The following GREM1 variants were observed in gnomAD, a reference collection of about 807,000 sequenced individuals.
GREM1 encodes the protein gremlin-1.
GREM1 carries 6 observed loss-of-function variants against 13.1 expected under a neutral mutation model. The ratio of observed to expected loss-of-function variants is 0.46; its 90% confidence interval spans 0.25 to 0.91. The LOEUF (loss-of-function observed/expected upper bound fraction) is 0.91, where lower values mean the gene tolerates loss of function less well. Among genes scored for constraint, GREM1 ranks in the 40% least tolerant of loss-of-function variants. GREM1 has a pLI of 0.18. For synonymous variants in GREM1, 98 were observed against 93.7 expected, an observed-to-expected ratio of 1.05 and a Z score of -0.27; for missense variants, 185 against 233.9, an observed-to-expected ratio of 0.79 and a Z score of 1.36.
rs1284433721 is a variant in GREM1 at position 32,735,221 on chromosome 15, C to T, written c.*3976C>T. 2.6e-5 allele frequency: 4 copies of T among 152,120 alleles called. No individual in the cohort carries two copies. The highest frequency in any genetic ancestry group is 9.7e-5 in the African/African-American group (4 of 41,430). The allele number at this position is 152,120 out of a possible 1,614,324, so 9.4% of individuals were successfully genotyped here. A position where few individuals can be genotyped will look rare whatever the true frequency, so the allele number is the denominator to read the frequency against. ...TGTCAATTTCTGAGGTCCCTTTCTA[C>T]TTAGATATATAATACAAGATTTCTA... On this transcript the variant is annotated 3_prime_UTR_variant, in exon 2 of 2. Coordinates refer to ENST00000651154, the MANE Select transcript of GREM1 (RefSeq NM_013372.7).
In GREM1 at chr15:32,738,126, A is replaced by AAAAAAAAAAAAAAAAAAAAAAACCAAAC. The variant is rs2055728046; in HGVS notation, c.*6888_*6889insAAAAAAAAAAAAAAACCAAACAAAAAAA. The AAAAAAAAAAAAAAAAAAAAAAACCAAAC allele has an allele frequency of 1.9e-5, 2 of 107,172 alleles. 1 individual carries two copies. Among genetic ancestry groups the AAAAAAAAAAAAAAAAAAAAAAACCAAAC allele is most frequent in the East Asian group, 6.6e-4 (2 of 3,024 alleles). 6.6% of individuals were successfully genotyped at this position (107,172 alleles called of 1,614,324 possible). ...AAAAAAAAAAAAAAAAAAAAAAAAAAAAAAAAAGAAAAGAAAAAAGTCATC... is the reference window on the plus strand; with the variant it reads ...AAAAAAAAAAAAAAAAAAAAAAAAAAAAAAAAAAAAAAAAAAAAAAAACCAAACAAAAAAAGAAAAGAAAAAAGTCATC... On this transcript the variant is annotated 3_prime_UTR_variant, in exon 2 of 2. Coordinates refer to ENST00000651154, the MANE Select transcript of GREM1 (RefSeq NM_013372.7).
rs2055747244 is a variant in GREM1 at position 32,739,988 on chromosome 15, A to G, written c.*8743A>G. ...CAGAGACAGAGGTTTAGACCAGTAG[A>G]TGACATGGCACCCTGCCCTCTACTG... is the stretch of plus-strand genomic sequence containing the variant. On this transcript the variant is annotated 3_prime_UTR_variant, in exon 2 of 2. Coordinates refer to ENST00000651154, the MANE Select transcript of GREM1 (RefSeq NM_013372.7). 2 of 152,382 alleles carry G rather than the reference A, an allele frequency of 1.3e-5. No individual in the cohort carries two copies. The highest frequency in any genetic ancestry group is 1.9e-4 in the East Asian group (1 of 5,180). 9.4% of individuals were successfully genotyped at this position (152,382 alleles called of 1,614,324 possible).
At position 32,730,765 on chromosome 15, in the gene GREM1, A is replaced by G. The variant is rs2055601637; in HGVS notation, c.75A>G (p.Lys25=). The change falls in exon 2 of 2, where the codon AAA becomes AAG. Residue 25 remains lysine, a synonymous_variant. Transcript: ENST00000651154. Reference sequence around the variant, plus strand: ...CCCTGCTGCCGGCTGCTGAAGGGAAAAAGAAAGGGTCCCAAGGTGCCATCC... The same window carrying G: ...CCCTGCTGCCGGCTGCTGAAGGGAAGAAGAAAGGGTCCCAAGGTGCCATCC... ...LGTLLPAAEG[K]KKGSQGAIPP... is the part of the protein sequence containing the mutation. The G allele has an allele frequency of 1.9e-6, 3 of 1,612,350 alleles. No individual in the cohort carries two copies. Among genetic ancestry groups the G allele is most frequent in the South Asian group, 1.1e-5 (1 of 90,816 alleles).
Position 32,725,630 on chromosome 15 carries a change from G to C in GREM1, c.-1-5060G>C, listed in dbSNP as rs138061402. ...TAGTTTCTTTTGCCATGCAGAAGCT[G>C]TTTAGTTTAATTAGATCCAATTTGT... On this transcript the variant is annotated intron_variant, in intron 1 of 1. Coordinates refer to ENST00000651154, the MANE Select transcript of GREM1 (RefSeq NM_013372.7). 0.018 allele frequency among the ~76,000 whole-genome samples: 2,672 copies of C among 152,228 alleles called. 156 individuals are homozygous for C. In the East Asian group the frequency reaches 0.21, roughly 12 times the overall value.
chr15:32,730,265 G>A (rs1363550463), intron 1 of GREM1, among the ~76,000 whole-genome samples: 1 of 152,220 alleles, frequency 6.6e-6, no homozygotes, highest in East Asian at 1.9e-4. Flanking sequence ...TAGTTGGGGA[G>A]AAAAGACTGG....
Position 32,731,344 on chromosome 15 carries a change from A to C in GREM1, c.*99A>C. 1 of 930,162 alleles carries C rather than the reference A, an allele frequency of 1.1e-6. No individual in the cohort carries two copies. The highest frequency in any genetic ancestry group is 2.6e-5 in the East Asian group (1 of 39,154). 57.6% of individuals were successfully genotyped at this position (930,162 alleles called of 1,614,324 possible). On this transcript the variant is annotated 3_prime_UTR_variant, in exon 2 of 2. Transcript: ENST00000651154. Reference sequence around the variant, plus strand: ...CTTACTTGGCTTAAACCTAGAGGCCAGAAGAACCCCCAGCTGCCTCCTGGC... The same window carrying C: ...CTTACTTGGCTTAAACCTAGAGGCCCGAAGAACCCCCAGCTGCCTCCTGGC...
intron 1 of GREM1, among the ~76,000 whole-genome samples, chr15:32,729,054 C>T (rs1264811507): frequency 4.0e-5 from 6 of 150,956 alleles, no homozygotes; most frequent in African/African-American, 7.3e-5. Context: ...GACAGAGTCT[C>T]GCTCAGTCAC....
chr15:32,729,689 C>T (rs2055579753), intron 1 of GREM1, among the ~76,000 whole-genome samples: 1 of 152,180 alleles, frequency 6.6e-6, no homozygotes, highest in Non-Finnish European at 1.5e-5. Context: ...TAATCCATTG[C>T]CACTAATTTA....
At chr15:32,726,270 TGC>T (rs2055502346) in intron 1 of GREM1, among the ~76,000 whole-genome samples, 4 of 152,060 alleles carry the variant, frequency 2.6e-5, no homozygotes, top group African/African-American at 9.7e-5. Context: ...CCTCAGCAAA[TGC>T]AAAAAACAGA....
intron 1 of GREM1, among the ~76,000 whole-genome samples, chr15:32,726,343 AC>A (rs1193585805): frequency 6.6e-6 from 1 of 152,186 alleles, no homozygotes; most frequent in Admixed American, 6.5e-5. Flanking sequence ...TAAGAAACTT[AC>A]TGAAAACCAC....
Position 32,731,431 on chromosome 15 carries a change from A to G in GREM1, c.*186A>G, listed in dbSNP as rs2055616377. On this transcript the variant is annotated 3_prime_UTR_variant, in exon 2 of 2. Transcript: ENST00000651154. ...TGGATGGGTGCCTGTGGGTGTTTTT[A>G]GACACCAGAGAAAACACAGTCTCTG... 4.9e-6 allele frequency: 3 copies of G among 614,464 alleles called. No individual in the cohort carries two copies. Among genetic ancestry groups the G allele is most frequent in the East Asian group, 5.5e-5 (2 of 36,264 alleles). The allele number at this position is 614,464 out of a possible 1,614,324, so 38.1% of individuals were successfully genotyped here. A position where few individuals can be genotyped will look rare whatever the true frequency, so the allele number is the denominator to read the frequency against.
rs1417914483 is a variant in GREM1, at chr15:32,744,152, C to T, written c.*12907C>T. 6.6e-6 allele frequency: 1 copy of T among 152,012 alleles called. No homozygotes were observed. The highest frequency in any genetic ancestry group is 1.5e-5 in the Non-Finnish European group (1 of 67,998). The allele number at this position is 152,012 out of a possible 1,614,324, so 9.4% of individuals were successfully genotyped here. The stretch of plus-strand genomic sequence containing the variant: ...TGGAGAAGCACCCAAAAATCTGTGG[C>T]CTTTTTTTTTAATTACACTCTCAGT... On this transcript the variant is annotated 3_prime_UTR_variant, in exon 2 of 2. Transcript: ENST00000651154.
chr15:32,718,103 G>A lies in GREM1; in HGVS notation c.-60G>A. ...GCCGAGCCCCGGCGGCTCTGGCCGC[G>A]GCCGCACTCAGCGCCACGCGTCGAA... is the stretch of plus-strand genomic sequence containing the variant. On this transcript the variant is annotated 5_prime_UTR_variant, in exon 1 of 2. Transcript: ENST00000651154. The A allele has an allele frequency of 7.9e-7, 1 of 1,258,660 alleles. No individual in the cohort carries two copies. Among genetic ancestry groups the A allele is most frequent in the Non-Finnish European group, 1.0e-6 (1 of 983,400 alleles). The allele number at this position is 1,258,660 out of a possible 1,614,324, so 78.0% of individuals were successfully genotyped here.
intron 1 of GREM1, among the ~76,000 whole-genome samples, chr15:32,728,019 A>G (rs1396696999): frequency 6.6e-6 from 1 of 152,230 alleles, no homozygotes; most frequent in East Asian, 1.9e-4. Context: ...TTCCATGCTC[A>G]TGGATAGGAA....
In GREM1 at chr15:32,732,662, T is replaced by G; in HGVS notation, c.*1417T>G. The G allele has an allele frequency of 4.1e-6, 1 of 242,350 alleles. No homozygotes were observed. The highest frequency in any genetic ancestry group is 8.7e-6 in the Non-Finnish European group (1 of 114,494). The allele number at this position is 242,350 out of a possible 1,614,324, so 15.0% of individuals were successfully genotyped here. A position where few individuals can be genotyped will look rare whatever the true frequency, so the allele number is the denominator to read the frequency against. ...AGCATCATGATGTATTAGCTGTTCA[T>G]CTGCTACTGGTTGGATGGACATAAC... On this transcript the variant is annotated 3_prime_UTR_variant, in exon 2 of 2. Coordinates refer to ENST00000651154, the MANE Select transcript of GREM1 (RefSeq NM_013372.7).
chr15:32,727,393 C>G (rs1014345487), intron 1 of GREM1, among the ~76,000 whole-genome samples: 2 of 152,204 alleles, frequency 1.3e-5, no homozygotes, highest in African/African-American at 4.8e-5. Flanking sequence ...ATGACAAAAA[C>G]CACATGATTA....
chr15:32,730,659 G>T, intron 1 of GREM1, 31 bp from the exon 2 acceptor site: 1 of 1,461,582 alleles, frequency 6.8e-7, no homozygotes, highest in Non-Finnish European at 9.2e-7. Context: ...CATGTTTTGT[G>T]TCTTCCCCTC....
intron 1 of GREM1, 88 bp downstream of exon 1, chr15:32,718,249 G>A: frequency 9.4e-7 from 1 of 1,059,658 alleles, no homozygotes; most frequent in Non-Finnish European, 1.3e-6. Flanking sequence ...TTCCACGCGC[G>A]GCAGCCCTCC....
chr15:32,742,422 C>T lies in GREM1; in HGVS notation c.*11177C>T, dbSNP rs1309985729. 4 of 152,022 alleles carry T rather than the reference C, an allele frequency of 2.6e-5. No individual in the cohort carries two copies. The highest frequency in any genetic ancestry group is 4.8e-5 in the African/African-American group (2 of 41,414). 9.4% of individuals were successfully genotyped at this position (152,022 alleles called of 1,614,324 possible). A position where few individuals can be genotyped will look rare whatever the true frequency, so the allele number is the denominator to read the frequency against. On this transcript the variant is annotated 3_prime_UTR_variant, in exon 2 of 2. Transcript: ENST00000651154. The stretch of plus-strand genomic sequence containing the variant: ...CATCATGTATTCATGGGTTGTAAGA[C>T]TTAATATTCTTAAAATGCCCATATT...
Sources: allele counts gnomAD v4.1 joint callset (sites outside exome capture counted in the v4.1 genomes callset), GRCh38; gene constraint gnomAD v4.1.1; transcripts MANE v1.5; gene names NCBI Gene and HGNC (gene_info 2026-07-23, HGNC 2026-07-21).